NEDD4: variants seen among roughly 807,000 people sequenced by gnomAD.
The protein encoded by NEDD4 is E3 ubiquitin-protein ligase NEDD4.
NEDD4 carries 99 observed loss-of-function variants against 144.9 expected under a neutral mutation model. The ratio of observed to expected loss-of-function variants is 0.68; its 90% CI spans 0.58 to 0.81. The LOEUF is 0.81. Among genes scored for constraint, NEDD4 ranks in the 30% least tolerant of loss-of-function variants. The pLI, the probability that NEDD4 is intolerant of heterozygous loss-of-function variation, is 0.00. For synonymous variants in NEDD4, 318 were observed against 350.6 expected (o/e 0.91, Z 1.04); for missense variants, 985 against 1,065.9 (o/e 0.92, Z 1.06).
chr15:55,846,726 A>G (rs1205836130), intron 18 of NEDD4, among the ~76,000 whole-genome samples: 3 of 152,186 alleles, frequency 2.0e-5, no homozygotes, highest in Non-Finnish European at 4.4e-5. Flanking sequence ...GAGCTCTGGA[A>G]AGCAAACTTT....
intron 18 of NEDD4, among the ~76,000 whole-genome samples, chr15:55,844,000 T>G (rs1487204707): frequency 6.6e-6 from 1 of 152,076 alleles, no homozygotes; most frequent in Admixed American, 6.6e-5. Flanking sequence ...AGGAGGACAA[T>G]TGCTGATGAT....
At chr15:55,954,990 T>C (rs1412183307) in intron 2 of NEDD4, among the ~76,000 whole-genome samples, 1 of 152,176 alleles carries the variant, frequency 6.6e-6, no homozygotes, top group African/African-American at 2.4e-5. Context: ...CTGCACTGCA[T>C]TGTATTGCAT....
intron 5 of NEDD4, among the ~76,000 whole-genome samples, chr15:55,875,168 A>G (rs536600551): frequency 2.0e-5 from 3 of 152,298 alleles, no homozygotes; most frequent in African/African-American, 4.8e-5. Context: ...CAGATCATGG[A>G]ATAAGCAGAC....
intron 2 of NEDD4, among the ~76,000 whole-genome samples, chr15:55,962,188 C>A (rs2037437649): frequency 6.6e-6 from 1 of 152,110 alleles, no homozygotes; most frequent in African/African-American, 2.4e-5. Flanking sequence ...ACGAATATAT[C>A]CACTTCAGTC....
chr15:55,956,612 G>A (rs1432076251), intron 2 of NEDD4, among the ~76,000 whole-genome samples: 4 of 151,822 alleles, frequency 2.6e-5, no homozygotes, highest in South Asian at 2.1e-4. Context: ...TCTCTCTCTC[G>A]CTCTCTCACA....
Position 55,856,119 on chromosome 15 carries a change from G to A in NEDD4, c.1026+12C>T. 1 of 1,605,534 alleles carries A rather than the reference G, an allele frequency of 6.2e-7. No individual in the cohort carries two copies. Among genetic ancestry groups the A allele is most frequent in the Non-Finnish European group, 8.5e-7 (1 of 1,172,502 alleles). On this transcript the variant is annotated intron_variant, in intron 12 of 28. Transcript: ENST00000435532. ...ATATTTTTATTGATTGATGGGAGAG[G>A]GTAAAACTCACCACAGGAAGTGTAG...
intron 5 of NEDD4, among the ~76,000 whole-genome samples, chr15:55,912,085 T>C (rs1376232065): frequency 6.6e-6 from 1 of 152,334 alleles, no homozygotes; most frequent in Middle Eastern, 3.4e-3. Flanking sequence ...CAAATATACA[T>C]TTTTCACCAA....
intron 5 of NEDD4, chr15:55,916,335 C>G (rs1240081155): frequency 6.2e-7 from 1 of 1,614,008 alleles, no homozygotes. Flanking sequence ...AAAATCACTA[C>G]CGTTGCTGCT....
Position 55,920,369 on chromosome 15 carries a change from G to A in NEDD4, c.291+4277C>T, listed in dbSNP as rs529376871. On this transcript the variant is annotated intron_variant, in intron 5 of 28. Transcript: ENST00000435532. Reference sequence around the variant, plus strand: ...AATATAGGTGGCTCCTAAAACCGGTGGCTGAATGTGTACAGGTGTATATCT... The same window carrying A: ...AATATAGGTGGCTCCTAAAACCGGTAGCTGAATGTGTACAGGTGTATATCT... Among the ~76,000 whole-genome samples, 3 of 152,184 alleles carry A rather than the reference G, an allele frequency of 2.0e-5. No homozygotes were observed. The South Asian group carries it at 6.2e-4, about 32-fold the overall frequency.
chr15:55,965,854 T>C (rs2037503809), intron 2 of NEDD4, among the ~76,000 whole-genome samples: 2 of 152,284 alleles, frequency 1.3e-5, no homozygotes, highest in South Asian at 2.1e-4. Flanking sequence ...TTTCACCATG[T>C]TGGTCAGGCT....
At chr15:55,926,198 T>C (rs1346888596) in intron 4 of NEDD4, among the ~76,000 whole-genome samples, 1 of 152,162 alleles carries the variant, frequency 6.6e-6, no homozygotes, top group South Asian at 2.1e-4. Flanking sequence ...TCCTATGGAA[T>C]TGTTTAACAT....
At chr15:55,974,771 T>C (rs2037670497) in intron 1 of NEDD4, among the ~76,000 whole-genome samples, 1 of 150,456 alleles carries the variant, frequency 6.6e-6, no homozygotes, top group Non-Finnish European at 1.5e-5. Flanking sequence ...GGAACATAGC[T>C]CAACACAATA....
rs2032761220 is a variant in NEDD4, at chr15:55,827,775, T to C, written c.*2122A>G. The C allele has an allele frequency of 6.9e-6, 1 of 144,478 alleles. No individual in the cohort carries two copies. The highest frequency in any genetic ancestry group is 2.5e-5 in the African/African-American group (1 of 40,376). 8.9% of individuals were successfully genotyped at this position (144,478 alleles called of 1,614,324 possible). ...GAAATGTTCCTACTTCCTTGTCTCT[T>C]AGAAGTCACTTTACTTTTAAATGAT... On this transcript the variant is annotated 3_prime_UTR_variant, in exon 29 of 29. Transcript: ENST00000435532.
At chr15:55,963,135 ATT>A (rs201400016) in intron 2 of NEDD4, among the ~76,000 whole-genome samples, 4 of 136,008 alleles carry the variant, frequency 2.9e-5, no homozygotes, top group African/African-American at 2.7e-5. Context: ...ACTCTTTTTT[ATT>A]TTTTTTTTTT....
intron 5 of NEDD4, among the ~76,000 whole-genome samples, chr15:55,906,420 G>A (rs2036096278): frequency 6.6e-6 from 1 of 152,162 alleles, no homozygotes; most frequent in Admixed American, 6.5e-5. Flanking sequence ...AAGAAAGTGT[G>A]GCACATATAC....
intron 1 of NEDD4, among the ~76,000 whole-genome samples, chr15:55,970,693 A>T (rs569997333): frequency 2.6e-5 from 4 of 152,242 alleles, no homozygotes; most frequent in Non-Finnish European, 5.9e-5. Flanking sequence ...TGGTGCCTCT[A>T]TGAGACTACA....
chr15:55,868,056 CAAA>C (rs201455596), intron 8 of NEDD4, among the ~76,000 whole-genome samples: 16 of 109,186 alleles, frequency 1.5e-4, no homozygotes, highest in Admixed American at 1.9e-4. Flanking sequence ...ACTCTGACTC[CAAA>C]AAAAAAAAAA....
At chr15:55,838,885 G>A (rs1380087944) in intron 21 of NEDD4, among the ~76,000 whole-genome samples, 1 of 152,076 alleles carries the variant, frequency 6.6e-6, no homozygotes, top group Non-Finnish European at 1.5e-5. Flanking sequence ...AAGCAGTGGA[G>A]GTACAGATTT....
intron 4 of NEDD4, among the ~76,000 whole-genome samples, chr15:55,928,482 C>T (rs1018668041): frequency 1.3e-5 from 2 of 152,222 alleles, no homozygotes; most frequent in East Asian, 3.8e-4. Context: ...CCCTTTCTGG[C>T]CTTGTGTCCT....
Sources: gnomAD v4.1 joint callset for allele counts (sites outside exome capture counted in the v4.1 genomes callset) on GRCh38, gnomAD v4.1.1 for gene constraint, MANE v1.5 for transcripts, NCBI Gene and HGNC (gene_info 2026-07-23, HGNC 2026-07-21) for gene names.